TSPAN18: variants seen among roughly 807,000 people sequenced by gnomAD.
The protein encoded by TSPAN18 is tetraspanin 18.
In TSPAN18, 14 loss-of-function variants were observed where a neutral mutation model predicts 27.3. The observed-to-expected ratio is 0.51, with a 90% CI of 0.34 to 0.80. The LOEUF (loss-of-function observed/expected upper bound fraction) is 0.80. Ranked by LOEUF, TSPAN18 falls within the 30% of genes least tolerant of loss-of-function variation. The probability of loss-of-function intolerance (pLI) is 0.01; values close to 1 mark genes in which losing one functional copy is unlikely to be tolerated. For synonymous variants in TSPAN18, 143 were observed against 136.5 expected, an observed-to-expected ratio of 1.05 and a Z score of -0.33; for missense variants, 268 against 323.9, an observed-to-expected ratio of 0.83 and a Z score of 1.32.
At chr11:44,792,495 C>T (rs532286413) in intron 2 of TSPAN18, among the ~76,000 whole-genome samples, 1 of 152,142 alleles carries the variant, frequency 6.6e-6, no homozygotes, top group Non-Finnish European at 1.5e-5. Flanking sequence ...TTGCTGACTG[C>T]CTGGCACACA....
chr11:44,741,439 A>G (rs1419913576), intron 1 of TSPAN18, among the ~76,000 whole-genome samples: 2 of 132,168 alleles, frequency 1.5e-5, no homozygotes, highest in Non-Finnish European at 1.6e-5. Flanking sequence ...AACCTGTCTC[A>G]GACATGTATG....
intron 2 of TSPAN18, among the ~76,000 whole-genome samples, chr11:44,794,848 A>T (rs970902776): frequency 7.2e-5 from 11 of 152,208 alleles, no homozygotes; most frequent in Admixed American, 7.2e-4. Context: ...AGGACTTAAG[A>T]GAGAATGAAT....
intron 3 of TSPAN18, among the ~76,000 whole-genome samples, chr11:44,892,334 C>T (rs774354287): frequency 6.6e-6 from 1 of 152,220 alleles, no homozygotes; most frequent in Non-Finnish European, 1.5e-5. Flanking sequence ...TGACCCGCGC[C>T]ATTCCTCCCA....
At chr11:44,773,057 C>A (rs971913024) in intron 2 of TSPAN18, among the ~76,000 whole-genome samples, 1 of 152,194 alleles carries the variant, frequency 6.6e-6, no homozygotes, top group Non-Finnish European at 1.5e-5. Flanking sequence ...CACACCTATG[C>A]AAACACAATG....
At chr11:44,767,455 C>G (rs954665397) in intron 2 of TSPAN18, among the ~76,000 whole-genome samples, 4 of 152,186 alleles carry the variant, frequency 2.6e-5, no homozygotes, top group Non-Finnish European at 4.4e-5. Context: ...TAGAGGTGCC[C>G]TCTGTGCCCA....
chr11:44,855,378 G>T (rs1857708150), intron 2 of TSPAN18, among the ~76,000 whole-genome samples: 2 of 152,170 alleles, frequency 1.3e-5, no homozygotes, highest in Non-Finnish European at 2.9e-5. Flanking sequence ...TTGAGCTTCA[G>T]TGTCTTTATT....
intron 1 of TSPAN18, among the ~76,000 whole-genome samples, chr11:44,750,321 C>T (rs1855182203): frequency 6.6e-6 from 1 of 152,200 alleles, no homozygotes; most frequent in South Asian, 2.1e-4. Context: ...CTCCTGCCTT[C>T]CTCATAGCCA....
intron 2 of TSPAN18, among the ~76,000 whole-genome samples, chr11:44,847,589 A>G (rs898009690): frequency 3.2e-4 from 49 of 152,298 alleles, no homozygotes; most frequent in South Asian, 8.3e-4. Flanking sequence ...TGCTGCTATA[A>G]ACATTTGTGT....
chr11:44,754,866 G>A (rs1855295755), intron 1 of TSPAN18, among the ~76,000 whole-genome samples: 1 of 152,214 alleles, frequency 6.6e-6, no homozygotes, highest in Non-Finnish European at 1.5e-5. Flanking sequence ...GGGAGCAGAT[G>A]TGGGACAATG....
chr11:44,805,912 G>T (rs990188216), intron 2 of TSPAN18, among the ~76,000 whole-genome samples: 2 of 152,098 alleles, frequency 1.3e-5, no homozygotes, highest in African/African-American at 2.4e-5. Flanking sequence ...CACAGTCATT[G>T]AATTTAGTAC....
chr11:44,828,713 C>G (rs1857095119), intron 2 of TSPAN18, among the ~76,000 whole-genome samples: 1 of 152,232 alleles, frequency 6.6e-6, no homozygotes, highest in African/African-American at 2.4e-5. Flanking sequence ...TCCCTTCCCC[C>G]TTCTGTAGCC....
intron 3 of TSPAN18, among the ~76,000 whole-genome samples, chr11:44,864,304 A>AT (rs1045573249): frequency 6.6e-6 from 1 of 151,302 alleles, no homozygotes; most frequent in Non-Finnish European, 1.5e-5. Flanking sequence ...AAAAAAAAAA[A>AT]AACTTGGTGA....
chr11:44,756,014 G>T (rs777725020), intron 1 of TSPAN18, among the ~76,000 whole-genome samples: 3 of 151,990 alleles, frequency 2.0e-5, no homozygotes, highest in Non-Finnish European at 4.4e-5. Context: ...GAGATGGAGA[G>T]AGAGTTTGCC....
chr11:44,801,712 C>G (rs1486100391), intron 2 of TSPAN18, among the ~76,000 whole-genome samples: 1 of 152,224 alleles, frequency 6.6e-6, no homozygotes, highest in Non-Finnish European at 1.5e-5. Flanking sequence ...AAGCCTTTAT[C>G]TCTTCACCTG....
At chr11:44,820,375 C>A (rs1039172645) in intron 2 of TSPAN18, among the ~76,000 whole-genome samples, 1 of 152,210 alleles carries the variant, frequency 6.6e-6, no homozygotes, top group Non-Finnish European at 1.5e-5. Flanking sequence ...TGGGCACAGG[C>A]GTCCTCCCTG....
At position 44,744,950 on chromosome 11, in the gene TSPAN18, T is replaced by C. The variant is rs564049349; in HGVS notation, c.-240+17663T>C. ...TTTACCCAGGCTCAGCAGGAAGGAG[T>C]GCCAAGATCAATTATTGACGTCTGT... On this transcript the variant is annotated intron_variant, in intron 1 of 9. Coordinates refer to ENST00000520358, the MANE Select transcript of TSPAN18 (RefSeq NM_130783.5). Among the ~76,000 whole-genome samples the C allele has an allele frequency of 2.6e-5, 4 of 151,728 alleles. No homozygotes were observed. The South Asian group carries it at 8.3e-4, about 32-fold the overall frequency.
chr11:44,878,261 G>T (rs1858393235), intron 3 of TSPAN18, among the ~76,000 whole-genome samples: 1 of 152,086 alleles, frequency 6.6e-6, no homozygotes, highest in South Asian at 2.1e-4. Flanking sequence ...GGCCGGGCGT[G>T]TAAGAACGCT....
At chr11:44,889,204 G>A (rs1205540411) in intron 3 of TSPAN18, among the ~76,000 whole-genome samples, 3 of 152,246 alleles carry the variant, frequency 2.0e-5, no homozygotes, top group Admixed American at 2.0e-4. Context: ...CCTTGGTCCT[G>A]GGGGCACCCC....
At chr11:44,928,949 C>T (rs1294761876) in intron 9 of TSPAN18, among the ~76,000 whole-genome samples, 182 bp from the exon 10 acceptor site, 2 of 152,186 alleles carry the variant, frequency 1.3e-5, no homozygotes, top group Non-Finnish European at 2.9e-5. Context: ...GACTCCACCA[C>T]ATAAAGGAAG....
Sources: allele counts gnomAD v4.1 joint callset (sites outside exome capture counted in the v4.1 genomes callset), GRCh38; gene constraint gnomAD v4.1.1; transcripts MANE v1.5; gene names NCBI Gene and HGNC (gene_info 2026-07-23, HGNC 2026-07-21).